The following TNIK variants were observed in gnomAD, a reference collection of about 807,000 sequenced individuals.
TNIK encodes TRAF2 and NCK-interacting protein kinase.
A neutral mutation model predicts 191.3 loss-of-function variants in TNIK; 49 were observed. The observed-to-expected ratio is 0.26, with a 90% confidence interval of 0.20 to 0.32. The LOEUF is 0.32. Ranked by LOEUF, TNIK falls within the 10% of genes least tolerant of loss-of-function variation. TNIK has a pLI of 1.00. For missense variants in TNIK, 1,155 were observed against 1,702.3 expected (o/e 0.68, Z 5.66); for synonymous variants, 594 against 600.9 (o/e 0.99, Z 0.17).
intron 12 of TNIK, among the ~76,000 whole-genome samples, chr3:171,156,922 AT>A (rs1415003586): frequency 6.6e-6 from 1 of 152,156 alleles, no homozygotes; most frequent in Non-Finnish European, 1.5e-5. Flanking sequence ...TAATACCTAT[AT>A]TTCACCTCTC....
chr3:171,123,736 T>C (rs1728098377), intron 17 of TNIK, 34 bp from the exon 18 acceptor site: 3 of 1,519,196 alleles, frequency 2.0e-6, no homozygotes, highest in East Asian at 4.9e-5. Flanking sequence ...ATATTTTCCA[T>C]AAAGTAGCTT....
chr3:171,309,899 G>C (rs997237555), intron 2 of TNIK, among the ~76,000 whole-genome samples: 1 of 152,026 alleles, frequency 6.6e-6, no homozygotes, highest in African/African-American at 2.4e-5. Context: ...TTGCTTCCTA[G>C]TTGTCCTCTT....
chr3:171,297,876 T>C (rs756701142), intron 2 of TNIK, among the ~76,000 whole-genome samples: 41 of 152,346 alleles, frequency 2.7e-4, no homozygotes, highest in Non-Finnish European at 4.9e-4. Flanking sequence ...TTACATTCTC[T>C]TGTTTTGCAC....
chr3:171,416,931 T>C (rs1301402220), intron 1 of TNIK, among the ~76,000 whole-genome samples: 1 of 152,240 alleles, frequency 6.6e-6, no homozygotes, highest in Non-Finnish European at 1.5e-5. Flanking sequence ...GGTTAATCTT[T>C]GCATTTCTAA....
chr3:171,345,400 A>C (rs34403570), intron 2 of TNIK, among the ~76,000 whole-genome samples: 28,994 of 152,124 alleles, frequency 0.19, 3,343 homozygotes, highest in Admixed American at 0.28. Flanking sequence ...CACTTGACAA[A>C]GAGCAAGCTG....
chr3:171,356,113 G>A (rs1316779378), intron 2 of TNIK, among the ~76,000 whole-genome samples: 3 of 152,124 alleles, frequency 2.0e-5, no homozygotes, highest in East Asian at 1.9e-4. Context: ...GAAGCTGAGC[G>A]AATAAATCAA....
chr3:171,137,308 C>T (rs772601273), intron 15 of TNIK, among the ~76,000 whole-genome samples: 5 of 150,860 alleles, frequency 3.3e-5, no homozygotes, highest in Non-Finnish European at 5.9e-5. Context: ...TTGAAAAAAG[C>T]GTGAGCTATC....
chr3:171,285,142 A>G (rs1028200694), intron 2 of TNIK, among the ~76,000 whole-genome samples: 5 of 152,276 alleles, frequency 3.3e-5, no homozygotes, highest in African/African-American at 9.6e-5. Context: ...TAAAGGATAC[A>G]GACTATTTAT....
At chr3:171,241,186 A>G (rs1213208140) in intron 2 of TNIK, among the ~76,000 whole-genome samples, 1 of 151,916 alleles carries the variant, frequency 6.6e-6, no homozygotes, top group Non-Finnish European at 1.5e-5. Context: ...GCGCACCACC[A>G]CACCCAGTTA....
At chr3:171,286,336 G>C (rs1751010803) in intron 2 of TNIK, among the ~76,000 whole-genome samples, 1 of 152,170 alleles carries the variant, frequency 6.6e-6, no homozygotes, top group African/African-American at 2.4e-5. Flanking sequence ...ATTCAATAGG[G>C]AAGGATCTAT....
chr3:171,351,359 A>C (rs954855745), intron 2 of TNIK, among the ~76,000 whole-genome samples: 1 of 151,810 alleles, frequency 6.6e-6, no homozygotes, highest in Non-Finnish European at 1.5e-5. Flanking sequence ...TATCACTGTA[A>C]AAACACTTGA....
At chr3:171,242,652 G>T (rs1014185213) in intron 2 of TNIK, among the ~76,000 whole-genome samples, 1 of 151,988 alleles carries the variant, frequency 6.6e-6, no homozygotes, top group Non-Finnish European at 1.5e-5. Flanking sequence ...CTGAATTGCT[G>T]GATTTAGTCA....
At chr3:171,203,552 G>A (rs1739680985) in intron 4 of TNIK, among the ~76,000 whole-genome samples, 1 of 152,168 alleles carries the variant, frequency 6.6e-6, no homozygotes, top group African/African-American at 2.4e-5. Flanking sequence ...AACTTTTCAA[G>A]AATCCAGACT....
At chr3:171,181,264 A>G in intron 7 of TNIK, among the ~76,000 whole-genome samples, 1 of 152,252 alleles carries the variant, frequency 6.6e-6, no homozygotes, top group East Asian at 1.9e-4. Flanking sequence ...CGTGGCATGC[A>G]TGTATTGATC....
chr3:171,150,103 C>T (rs1245318737), intron 12 of TNIK, among the ~76,000 whole-genome samples: 1 of 152,164 alleles, frequency 6.6e-6, no homozygotes, highest in Non-Finnish European at 1.5e-5. Context: ...CTTCTTGTGC[C>T]CACTGTACTT....
chr3:171,075,895 C>A (rs1464055745), intron 28 of TNIK, among the ~76,000 whole-genome samples: 1 of 152,046 alleles, frequency 6.6e-6, no homozygotes, highest in Non-Finnish European at 1.5e-5. Flanking sequence ...CATCACCATG[C>A]CTGGCTAATT....
intron 9 of TNIK, among the ~76,000 whole-genome samples, chr3:171,167,784 A>G (rs73169802): frequency 0.064 from 9,737 of 152,252 alleles, 407 homozygotes; most frequent in African/African-American, 0.11. Context: ...AGTAAAACCA[A>G]GGTTGGATAG....
intron 2 of TNIK, among the ~76,000 whole-genome samples, chr3:171,259,836 T>A (rs1363547089): frequency 6.6e-6 from 1 of 152,200 alleles, no homozygotes; most frequent in African/African-American, 2.4e-5. Flanking sequence ...AGAGATCCAT[T>A]ACATCCCTCT....
chr3:171,334,749 A>T (rs1041197005), intron 2 of TNIK, among the ~76,000 whole-genome samples: 3 of 152,204 alleles, frequency 2.0e-5, no homozygotes, highest in South Asian at 2.1e-4. Flanking sequence ...GTTTCTAGGG[A>T]CTACAGCAAG....
Sources: allele counts gnomAD v4.1 joint callset (sites outside exome capture counted in the v4.1 genomes callset), GRCh38; gene constraint gnomAD v4.1.1; transcripts MANE v1.5; gene names NCBI Gene and HGNC (gene_info 2026-07-23, HGNC 2026-07-21).